Variants in SCAND3 observed in about 807,000 individuals in gnomAD.
SCAND3 encodes the protein SCAN domain containing 3.
chr6:28,611,106 C>T, the SCAND3 span, among the ~76,000 whole-genome samples: 4 of 152,218 alleles, frequency 2.6e-5, no homozygotes, highest in Non-Finnish European at 5.9e-5. Flanking sequence ...CAATGGCTAT[C>T]GTCAAAATGG....
chr6:28,589,836 T>G, the SCAND3 span: 1 of 140,810 alleles, frequency 7.1e-6, no homozygotes, highest in East Asian at 2.4e-4. Context: ...GGCGTGTTTC[T>G]TTTGTTTGTT....
At chr6:28,588,254 A>G in the SCAND3 span, 11 of 152,324 alleles carry the variant, frequency 7.2e-5, no homozygotes, top group South Asian at 2.3e-3. The surrounding 1 kb of genome is among the most constrained non-coding windows in gnomAD (Gnocchi z 4.1). Flanking sequence ...AACGTGCTGA[A>G]CTTATCTTTT....
the SCAND3 span, chr6:28,586,536 T>G: frequency 6.2e-7 from 1 of 1,614,240 alleles, no homozygotes; most frequent in East Asian, 2.2e-5. This position sits in a 1 kb window ranked among gnomAD's most constrained non-coding sequence, Gnocchi z 4.4. Flanking sequence ...AGGTGTCTCC[T>G]GATAGCAGAA....
chr6:28,600,181 G>A, the SCAND3 span, among the ~76,000 whole-genome samples: 2 of 150,980 alleles, frequency 1.3e-5, no homozygotes, highest in East Asian at 4.0e-4. Context: ...ACCGTTAAGG[G>A]AATGAAAAGA....
chr6:28,575,619 A>G, the SCAND3 span: 2 of 1,614,120 alleles, frequency 1.2e-6, no homozygotes, highest in Non-Finnish European at 1.7e-6. This position sits in a 1 kb window ranked among gnomAD's most constrained non-coding sequence, Gnocchi z 4.2. Flanking sequence ...TTGATGTTAG[A>G]ACCTTCTTGA....
chr6:28,577,886 C>A, the SCAND3 span, among the ~76,000 whole-genome samples: 1 of 152,170 alleles, frequency 6.6e-6, no homozygotes, highest in Non-Finnish European at 1.5e-5. Flanking sequence ...TCTGAGATGT[C>A]CATCCTACCT....
chr6:28,579,386 T>C, the SCAND3 span: 6 of 1,613,888 alleles, frequency 3.7e-6, no homozygotes, highest in Non-Finnish European at 5.1e-6. This position sits in a 1 kb window ranked among gnomAD's most constrained non-coding sequence, Gnocchi z 4.5. Flanking sequence ...ATTTCTTCCA[T>C]AGAAACTTCC....
At chr6:28,576,976 A>C in the SCAND3 span, among the ~76,000 whole-genome samples, 1 of 151,816 alleles carries the variant, frequency 6.6e-6, no homozygotes, top group African/African-American at 2.4e-5. Flanking sequence ...TCTCCACACT[A>C]CACATTTTCT....
chr6:28,607,193 G>A, the SCAND3 span, among the ~76,000 whole-genome samples: 3 of 152,088 alleles, frequency 2.0e-5, no homozygotes, highest in Non-Finnish European at 1.5e-5. Context: ...TGCTTAGCAT[G>A]TACGAGGTCC....
the SCAND3 span, among the ~76,000 whole-genome samples, chr6:28,604,431 A>G: frequency 1.3e-5 from 2 of 152,040 alleles, no homozygotes; most frequent in Non-Finnish European, 2.9e-5. Flanking sequence ...AGCCTGGCCA[A>G]CAAGGTGAAA....
At chr6:28,572,849 C>T in the SCAND3 span, 14 of 1,613,576 alleles carry the variant, frequency 8.7e-6, no homozygotes, top group Middle Eastern at 1.6e-4. The surrounding 1 kb of genome is among the most constrained non-coding windows in gnomAD (Gnocchi z 4.1). Context: ...CTATTTAGTT[C>T]AGCTGATATT....
chr6:28,584,305 T>A, the SCAND3 span, among the ~76,000 whole-genome samples: 2 of 152,180 alleles, frequency 1.3e-5, no homozygotes, highest in African/African-American at 4.8e-5. Flanking sequence ...GGAGGGTGGC[T>A]TGGTGTATCA....
the SCAND3 span, among the ~76,000 whole-genome samples, chr6:28,593,379 G>GTTT: frequency 4.8e-4 from 71 of 147,304 alleles, 1 homozygote; most frequent in Non-Finnish European, 8.6e-4. Flanking sequence ...ATTAGAATGA[G>GTTT]TTTTTTTTTT....
chr6:28,614,976 A>G, the SCAND3 span, among the ~76,000 whole-genome samples: 2 of 152,344 alleles, frequency 1.3e-5, no homozygotes, highest in South Asian at 4.1e-4. Flanking sequence ...TTTGTCATAT[A>G]CTGGAAACCT....
the SCAND3 span, chr6:28,586,656 T>TC: frequency 1.2e-6 from 2 of 1,613,920 alleles, no homozygotes; most frequent in Non-Finnish European, 1.7e-6. This position sits in a 1 kb window ranked among gnomAD's most constrained non-coding sequence, Gnocchi z 4.4. Flanking sequence ...TTTGATAATC[T>TC]CCCCTTGTTC....
the SCAND3 span, among the ~76,000 whole-genome samples, chr6:28,601,550 T>C: frequency 6.6e-6 from 1 of 152,138 alleles, no homozygotes; most frequent in African/African-American, 2.4e-5. Context: ...GACAGGGTCT[T>C]GCTCTGTCGC....
At chr6:28,574,973 T>C in the SCAND3 span, 102 of 1,613,594 alleles carry the variant, frequency 6.3e-5, no homozygotes, top group Non-Finnish European at 8.4e-5. Context: ...TTCTCTTCAA[T>C]ATCACTACTG....
the SCAND3 span, among the ~76,000 whole-genome samples, chr6:28,583,682 C>A: frequency 1.3e-5 from 2 of 152,234 alleles, no homozygotes; most frequent in Non-Finnish European, 2.9e-5. Context: ...ATGCTGCGTT[C>A]TGCATTGTAG....
the SCAND3 span, among the ~76,000 whole-genome samples, chr6:28,613,953 C>CTTTCT: frequency 1.3e-5 from 2 of 151,716 alleles, no homozygotes; most frequent in African/African-American, 2.4e-5. Context: ...AACAATTCCA[C>CTTTCT]TTTCTTTTCT....
Sources: gnomAD v4.1 joint callset for allele counts (sites outside exome capture counted in the v4.1 genomes callset) on GRCh38, gnomAD v4.1.1 for gene constraint, Gnocchi (gnomAD v3.1) non-coding constraint, MANE v1.5 for transcripts, NCBI Gene and HGNC (gene_info 2026-07-23, HGNC 2026-07-21) for gene names.